LRRC38: variants seen among roughly 807,000 people sequenced by gnomAD.
LRRC38 encodes the protein leucine rich repeat containing 38.
Under a neutral mutation model 16.4 loss-of-function variants are expected in LRRC38, and 5 were observed. The ratio of observed to expected loss-of-function variants is 0.31; its 90% CI spans 0.16 to 0.64. LRRC38 has a LOEUF of 0.64. LRRC38 is among the 30% of genes least tolerant of loss of function. The pLI, the probability that LRRC38 is intolerant of heterozygous loss-of-function variation, is 0.80. For synonymous variants in LRRC38, 191 were observed against 190.2 expected (o/e 1.00, Z -0.04); for missense variants, 341 against 401.8 (o/e 0.85, Z 1.29).
At chr1:13,503,750 A>C (rs1457537145) in intron 1 of LRRC38, among the ~76,000 whole-genome samples, 1 of 152,216 alleles carries the variant, frequency 6.6e-6, no homozygotes, top group Non-Finnish European at 1.5e-5. Flanking sequence ...CGGAGGACCC[A>C]CTGGGAGCTA....
rs573361035 is a variant in LRRC38, at chr1:13,475,968, C to T, written c.763G>A (p.Gly255Ser). The T allele has an allele frequency of 5.8e-6, 9 of 1,550,524 alleles. No homozygotes were observed. Among genetic ancestry groups the T allele is most frequent in the Admixed American group, 2.0e-5 (1 of 50,990 alleles). Residue 255 changes from glycine to serine, a missense_variant, in exon 2 of 2, where the codon GGT (glycine) becomes AGT (serine). Transcript: ENST00000376085. The surrounding 1 kb of genome is among the most constrained non-coding windows in gnomAD (Gnocchi z 4.3). ...ATGGCCGCAATGGACACGGCCACACCGGAGAAAATGATGATGCAGAGGTCT... is the reference window on the plus strand; with the variant it reads ...ATGGCCGCAATGGACACGGCCACACTGGAGAAAATGATGATGCAGAGGTCT... Reference protein sequence around the residue: ...LTDLCIIIFSGVAVSIAAIIS... With the variant: ...LTDLCIIIFSSVAVSIAAIIS...
chr1:13,476,972 G>A (rs1259823181), intron 1 of LRRC38, among the ~76,000 whole-genome samples: 1 of 152,160 alleles, frequency 6.6e-6, no homozygotes, highest in African/African-American at 2.4e-5. Context: ...GGGCATGGTG[G>A]TGTGTTCCTG....
intron 1 of LRRC38, among the ~76,000 whole-genome samples, 164 bp downstream of exon 1, chr1:13,512,799 T>C (rs1231032373): frequency 2.6e-5 from 4 of 152,030 alleles, no homozygotes; most frequent in African/African-American, 7.2e-5. Flanking sequence ...TCCAGATGCG[T>C]CCCTCTCCAC....
intron 1 of LRRC38, among the ~76,000 whole-genome samples, chr1:13,503,488 C>T (rs1466636522): frequency 2.0e-5 from 3 of 152,162 alleles, no homozygotes; most frequent in African/African-American, 7.2e-5. Flanking sequence ...AGGCTGGTCT[C>T]GATCTGCTGA....
rs538459470 is a variant in LRRC38 at position 13,491,165 on chromosome 1, G to A, written c.632-15066C>T. On this transcript the variant is annotated intron_variant, in intron 1 of 1. Transcript: ENST00000376085. ...ATTTTTGGTTGTCACACTGGGTGGAGCGCCAGTAGCATCTGGAAGGTGGAA... is the reference window on the plus strand; with the variant it reads ...ATTTTTGGTTGTCACACTGGGTGGAACGCCAGTAGCATCTGGAAGGTGGAA... 4.6e-4 allele frequency among the ~76,000 whole-genome samples: 70 copies of A among 152,264 alleles called. 2 individuals are homozygous for A. The highest frequency in any genetic ancestry group is 6.8e-3 in the Middle Eastern group (2 of 294).
At chr1:13,488,865 G>A (rs1010171589) in intron 1 of LRRC38, among the ~76,000 whole-genome samples, 1 of 152,082 alleles carries the variant, frequency 6.6e-6, no homozygotes, top group African/African-American at 2.4e-5. Context: ...GTGCGAAGGG[G>A]GGATTGGAGA....
At chr1:13,486,710 C>G (rs1213660936) in intron 1 of LRRC38, among the ~76,000 whole-genome samples, 1 of 151,884 alleles carries the variant, frequency 6.6e-6, no homozygotes, top group African/African-American at 2.4e-5. Flanking sequence ...CCCACCTCAG[C>G]CTCTCAAGTA....
At chr1:13,485,500 G>A (rs989768780) in intron 1 of LRRC38, among the ~76,000 whole-genome samples, 7 of 152,024 alleles carry the variant, frequency 4.6e-5, no homozygotes, top group East Asian at 1.9e-4. Context: ...CTCGGGAGGC[G>A]ATGTTTGCAG....
chr1:13,499,533 T>C (rs983322428), intron 1 of LRRC38, among the ~76,000 whole-genome samples: 1 of 152,222 alleles, frequency 6.6e-6, no homozygotes, highest in African/African-American at 2.4e-5. Context: ...CTCAATTCCT[T>C]GCAGGAATTT....
rs1050687794 is a variant in LRRC38, at chr1:13,512,824, G to C, written c.631+139C>G. On this transcript the variant is annotated intron_variant, in intron 1 of 1. Transcript: ENST00000376085. ...TCCCTCTCCACCCACTTCCCCAGCA[G>C]AGACCCAGGAAAAGTTCAGGATCCC... 9 of 874,190 alleles carry C rather than the reference G, an allele frequency of 1.0e-5. No homozygotes were observed. In the Admixed American group the frequency reaches 2.0e-4, roughly 20 times the overall value. The allele number at this position is 874,190 out of a possible 1,614,324, so 54.2% of individuals were successfully genotyped here.
chr1:13,496,858 T>C (rs1484373389), intron 1 of LRRC38, among the ~76,000 whole-genome samples: 1 of 150,738 alleles, frequency 6.6e-6, no homozygotes, highest in Non-Finnish European at 1.5e-5. Context: ...GAGCCAGAGG[T>C]GGTGGGGTGC....
At chr1:13,481,834 G>A (rs1296953775) in intron 1 of LRRC38, among the ~76,000 whole-genome samples, 2 of 146,692 alleles carry the variant, frequency 1.4e-5, no homozygotes, top group African/African-American at 2.5e-5. Flanking sequence ...TCTGCCATGT[G>A]AGGACCCAGA....
chr1:13,512,307 C>T (rs185192485), intron 1 of LRRC38, among the ~76,000 whole-genome samples: 2 of 152,326 alleles, frequency 1.3e-5, no homozygotes, highest in Non-Finnish European at 2.9e-5. Flanking sequence ...TTTATGCCCA[C>T]GCCGCCATTG....
Position 13,501,886 on chromosome 1 carries a change from C to T in LRRC38, c.631+11077G>A, listed in dbSNP as rs191073110. Among the ~76,000 whole-genome samples the T allele has an allele frequency of 6.1e-3, 932 of 152,158 alleles. 12 individuals are homozygous for T. The highest frequency in any genetic ancestry group is 0.021 in the African/African-American group (889 of 41,494). Reference sequence around the variant, plus strand: ...CACACCATTCTCCTGCCTCAGCCTCCCGAGTAGCTGGGACTACAGGCACCT... The same window carrying T: ...CACACCATTCTCCTGCCTCAGCCTCTCGAGTAGCTGGGACTACAGGCACCT... On this transcript the variant is annotated intron_variant, in intron 1 of 1. Transcript: ENST00000376085.
chr1:13,485,338 G>A (rs557239114), intron 1 of LRRC38, among the ~76,000 whole-genome samples: 1 of 150,904 alleles, frequency 6.6e-6, no homozygotes, highest in Admixed American at 6.6e-5. Flanking sequence ...AGCACTTTGG[G>A]AGGCCGAGGC....
Position 13,479,574 on chromosome 1 carries a change from C to T in LRRC38, c.632-3475G>A, listed in dbSNP as rs79535633. Among the ~76,000 whole-genome samples, 1,443 of 152,346 alleles carry T rather than the reference C, an allele frequency of 9.5e-3. 15 individuals are homozygous for T. Among genetic ancestry groups the T allele is most frequent in the South Asian group, 0.036 (173 of 4,826 alleles). ...GACAATTTTAGAAAATGTCATCTCACATTTCTCCGTGGCTAGAAGAAATGG... is the reference window on the plus strand; with the variant it reads ...GACAATTTTAGAAAATGTCATCTCATATTTCTCCGTGGCTAGAAGAAATGG... On this transcript the variant is annotated intron_variant, in intron 1 of 1. Coordinates refer to ENST00000376085, the MANE Select transcript of LRRC38 (RefSeq NM_001010847.2).
At chr1:13,494,218 A>G (rs1258108250) in intron 1 of LRRC38, among the ~76,000 whole-genome samples, 1 of 152,156 alleles carries the variant, frequency 6.6e-6, no homozygotes, top group Non-Finnish European at 1.5e-5. Flanking sequence ...GACAGAGCCG[A>G]GCCCGGGAGC....
At chr1:13,479,946 T>A (rs749733753) in intron 1 of LRRC38, among the ~76,000 whole-genome samples, 1 of 152,186 alleles carries the variant, frequency 6.6e-6, no homozygotes, top group Non-Finnish European at 1.5e-5. Flanking sequence ...GACAGGAACA[T>A]TTTTTTGACA....
Position 13,494,633 on chromosome 1 carries a change from C to T in LRRC38, c.631+18330G>A, listed in dbSNP as rs140921537. Among the ~76,000 whole-genome samples, 11 of 152,268 alleles carry T rather than the reference C, an allele frequency of 7.2e-5. No individual in the cohort carries two copies. The East Asian group carries it at 2.1e-3, about 29-fold the overall frequency. On this transcript the variant is annotated intron_variant, in intron 1 of 1. Coordinates refer to ENST00000376085, the MANE Select transcript of LRRC38 (RefSeq NM_001010847.2). The stretch of plus-strand genomic sequence containing the variant: ...CGAAATCAAAAGCCTGTGTTCTTAG[C>T]CACTGTGATGTATCTATCCCCTTCT...
Sources: allele counts gnomAD v4.1 joint callset (sites outside exome capture counted in the v4.1 genomes callset), GRCh38; gene constraint gnomAD v4.1.1; non-coding constraint Gnocchi (gnomAD v3.1); transcripts MANE v1.5; gene names NCBI Gene and HGNC (gene_info 2026-07-23, HGNC 2026-07-21).